The following VEPH1 variants were observed in gnomAD, a reference collection of about 807,000 sequenced individuals.
VEPH1 encodes the protein ventricular zone-expressed PH domain-containing protein homolog 1.
In VEPH1, 80 loss-of-function variants were observed where a neutral mutation model predicts 85.2. The observed-to-expected ratio is 0.94, with a 90% CI of 0.78 to 1.13. The LOEUF (loss-of-function observed/expected upper bound fraction) is 1.13, where lower values mean the gene tolerates loss of function less well. Among genes scored for constraint, VEPH1 ranks in the 50% most tolerant of loss-of-function variants. VEPH1 has a pLI of 0.00. For synonymous variants in VEPH1, 297 were observed against 348.0 expected (o/e 0.85, Z 1.63); for missense variants, 955 against 980.5 (o/e 0.97, Z 0.35).
chr3:157,408,503 A>C (rs1163580022), intron 6 of VEPH1, among the ~76,000 whole-genome samples: 1 of 152,168 alleles, frequency 6.6e-6, no homozygotes, highest in Non-Finnish European at 1.5e-5. Flanking sequence ...ATTCAGTCTT[A>C]TGGCCACAGA....
Position 157,340,099 on chromosome 3 carries a change from C to T in VEPH1, c.1736-22898G>A, listed in dbSNP as rs550696512. The stretch of plus-strand genomic sequence containing the variant: ...AGTCTACAGCTCCCAGCGTGAGCGA[C>T]GCAGAAGACGGGTGATTTCTGCATT... On this transcript the variant is annotated intron_variant, in intron 9 of 13. Transcript: ENST00000362010. 3.9e-5 allele frequency among the ~76,000 whole-genome samples: 6 copies of T among 152,280 alleles called. 1 individual carries two copies. The highest frequency in any genetic ancestry group is 4.2e-4 in the South Asian group (2 of 4,814).
chr3:157,415,457 G>T (rs914847029), intron 5 of VEPH1, among the ~76,000 whole-genome samples: 1 of 152,128 alleles, frequency 6.6e-6, no homozygotes, highest in Non-Finnish European at 1.5e-5. Context: ...TTCAGGGAAG[G>T]CCTCTCTCAG....
rs553055361 is a variant in VEPH1 at position 157,353,784 on chromosome 3, A to G, written c.1735+9580T>C. Among the ~76,000 whole-genome samples, 6 of 152,038 alleles carry G rather than the reference A, an allele frequency of 3.9e-5. No homozygotes were observed. In the East Asian group the frequency reaches 1.2e-3, roughly 29 times the overall value. ...TTATTTATCATTTCTATTATTTATC[A>G]TACATCTTTTCCCACTAGAACAGCC... On this transcript the variant is annotated intron_variant, in intron 9 of 13. Coordinates refer to ENST00000362010, the MANE Select transcript of VEPH1 (RefSeq NM_001167912.2).
intron 4 of VEPH1, among the ~76,000 whole-genome samples, chr3:157,438,810 G>A (rs1330073780): frequency 6.6e-6 from 1 of 152,164 alleles, no homozygotes; most frequent in Non-Finnish European, 1.5e-5. Flanking sequence ...ATACTCCTTT[G>A]TATGCCAAAA....
chr3:157,463,458 A>G (rs1037421403), intron 3 of VEPH1, among the ~76,000 whole-genome samples: 49 of 152,168 alleles, frequency 3.2e-4, no homozygotes, highest in African/African-American at 1.1e-3. Flanking sequence ...ACCATAGCCC[A>G]TAGCCAGTAT....
At chr3:157,360,915 G>T (rs908602464) in intron 9 of VEPH1, among the ~76,000 whole-genome samples, 4 of 152,142 alleles carry the variant, frequency 2.6e-5, no homozygotes, top group African/African-American at 9.7e-5. Context: ...GAAGTTTGAG[G>T]TAAATCTGCA....
At chr3:157,459,826 T>C (rs1735669223) in intron 4 of VEPH1, 6 of 1,499,770 alleles carry the variant, frequency 4.0e-6, no homozygotes, top group Non-Finnish European at 5.3e-6. Flanking sequence ...AGGTTTTTCA[T>C]ACCCCACTGA....
At chr3:157,454,064 C>A (rs1349146826) in intron 4 of VEPH1, among the ~76,000 whole-genome samples, 2 of 151,546 alleles carry the variant, frequency 1.3e-5, no homozygotes, top group Admixed American at 6.6e-5. Context: ...AGGGGTAATT[C>A]ATTTTTTTTT....
At chr3:157,414,133 A>C in intron 5 of VEPH1, 43 bp from the exon 6 acceptor site, 1 of 1,458,480 alleles carries the variant, frequency 6.9e-7, no homozygotes, top group Non-Finnish European at 9.4e-7. Flanking sequence ...AGAAGGAAGA[A>C]AGAGAAAAGT....
chr3:157,402,352 C>T (rs549650773), intron 6 of VEPH1, among the ~76,000 whole-genome samples: 1 of 152,294 alleles, frequency 6.6e-6, no homozygotes, highest in African/African-American at 2.4e-5. Context: ...GCTCTGGAAA[C>T]TCTTCTGGAT....
intron 4 of VEPH1, among the ~76,000 whole-genome samples, chr3:157,446,344 T>C (rs1734555539): frequency 6.6e-6 from 1 of 152,192 alleles, no homozygotes; most frequent in Non-Finnish European, 1.5e-5. Flanking sequence ...TGTATGTATA[T>C]ATCTCCAGCA....
chr3:157,345,166 A>C (rs1256317043), intron 9 of VEPH1, among the ~76,000 whole-genome samples: 5 of 152,256 alleles, frequency 3.3e-5, no homozygotes, highest in Non-Finnish European at 7.3e-5. Flanking sequence ...CAAAAGCCAA[A>C]ATTGACAAAT....
chr3:157,348,094 G>A (rs545663914), intron 9 of VEPH1, among the ~76,000 whole-genome samples: 2 of 152,274 alleles, frequency 1.3e-5, no homozygotes, highest in South Asian at 2.1e-4. Context: ...TTGCGTAGCA[G>A]GGAAACCACC....
At chr3:157,368,247 C>T (rs1005749298) in intron 7 of VEPH1, among the ~76,000 whole-genome samples, 1 of 152,174 alleles carries the variant, frequency 6.6e-6, no homozygotes, top group African/African-American at 2.4e-5. Context: ...GTGCCTGTGT[C>T]TCCAGTGACC....
chr3:157,418,986 T>C (rs1025599700), intron 5 of VEPH1, among the ~76,000 whole-genome samples: 7 of 152,016 alleles, frequency 4.6e-5, no homozygotes, highest in South Asian at 2.1e-4. Flanking sequence ...AACAGACACA[T>C]AGACGAATGG....
intron 4 of VEPH1, among the ~76,000 whole-genome samples, chr3:157,456,095 T>C (rs1377925147): frequency 6.6e-6 from 1 of 152,214 alleles, no homozygotes; most frequent in Non-Finnish European, 1.5e-5. Context: ...TATCTCATTG[T>C]GGTTTTGATT....
intron 7 of VEPH1, among the ~76,000 whole-genome samples, chr3:157,369,193 A>AAAAAAAAAAAAAAAAAAAAAAAC (rs1553773125): frequency 1.4e-5 from 2 of 140,632 alleles, no homozygotes; most frequent in East Asian, 2.2e-4. Context: ...AAAAAAAAAA[A>AAAAAAAAAAAAAAAAAAAAAAAC]AAAAAAAAAA....
intron 13 of VEPH1, among the ~76,000 whole-genome samples, chr3:157,261,786 T>C (rs1215000732): frequency 5.3e-5 from 8 of 152,178 alleles, no homozygotes; most frequent in Non-Finnish European, 1.5e-5. Flanking sequence ...CAAACCTTAA[T>C]TGAATAGAGA....
chr3:157,300,267 A>G (rs572385104), intron 11 of VEPH1, among the ~76,000 whole-genome samples: 6 of 152,348 alleles, frequency 3.9e-5, no homozygotes, highest in African/African-American at 1.4e-4. Flanking sequence ...CAGACATTGC[A>G]GAGGGATTGC....
Sources: allele counts gnomAD v4.1 joint callset (sites outside exome capture counted in the v4.1 genomes callset), GRCh38; gene constraint gnomAD v4.1.1; transcripts MANE v1.5; gene names NCBI Gene and HGNC (gene_info 2026-07-23, HGNC 2026-07-21).